PML: variants seen among roughly 807,000 people sequenced by gnomAD.
The protein encoded by PML is PML nuclear body scaffold, also known as protein PML.
In PML, 28 loss-of-function variants were observed where a neutral mutation model predicts 65.2. That is an observed-to-expected ratio of 0.43 (90% CI 0.32 to 0.59). The LOEUF (loss-of-function observed/expected upper bound fraction) is 0.59, where lower values mean the gene tolerates loss of function less well. PML is among the 20% of genes least tolerant of loss of function. PML has a pLI of 0.08. For synonymous variants in PML, 500 were observed against 508.8 expected (o/e 0.98, Z 0.23); for missense variants, 1,021 against 1,203.4 (o/e 0.85, Z 2.24).
intron 1 of PML, among the ~76,000 whole-genome samples, chr15:73,997,222 T>C (rs930870159): frequency 1.3e-5 from 2 of 152,216 alleles, no homozygotes; most frequent in African/African-American, 4.8e-5. Flanking sequence ...CTCTTCCTTT[T>C]GTTACTGAGG....
chr15:74,023,100 C>A lies in PML; in HGVS notation c.875C>A (p.Ala292Asp). 6.2e-7 allele frequency: 1 copy of A among 1,603,338 alleles called. No individual in the cohort carries two copies. Among genetic ancestry groups the A allele is most frequent in the Non-Finnish European group, 8.5e-7 (1 of 1,178,954 alleles). Residue 292 changes from alanine (A) to aspartate (D), a missense_variant, in exon 3 of 9, where the codon GCT becomes GAT. Transcript: ENST00000268058. The part of the protein sequence containing the change: ...RVRQVVAHVR[A>D]QERELLEAVD... ...CGCCAGGTGGTAGCTCACGTGCGGG[C>A]TCAGGAGCGCGAGCTGCTGGAGGCT...
chr15:74,016,990 G>A (rs1415242873), intron 2 of PML, among the ~76,000 whole-genome samples: 1 of 151,090 alleles, frequency 6.6e-6, no homozygotes, highest in Non-Finnish European at 1.5e-5. Flanking sequence ...GTAGAGATGG[G>A]GTTTCACCAT....
rs1335545102 is a variant in PML at position 74,045,090 on chromosome 15, T to C, written c.*82T>C. On this transcript the variant is annotated 3_prime_UTR_variant, in exon 9 of 9. Coordinates refer to ENST00000268058, the MANE Select transcript of PML (RefSeq NM_033238.3). ...AGCCAGGCCCCACCCATCACAGCAT[T>C]CCCAGGTCCTGGTACCCAGCCCTCA... The C allele has an allele frequency of 2.4e-6, 3 of 1,269,044 alleles. No individual in the cohort carries two copies. The highest frequency in any genetic ancestry group is 3.0e-5 in the African/African-American group (2 of 67,230). The allele number at this position is 1,269,044 out of a possible 1,614,324, so 78.6% of individuals were successfully genotyped here.
chr15:74,043,624 C>G lies in PML; in HGVS notation c.1861+485C>G, dbSNP rs558062265. The G allele has an allele frequency of 6.3e-6, 3 of 478,844 alleles. No homozygotes were observed. Among genetic ancestry groups the G allele is most frequent in the African/African-American group, 2.0e-5 (1 of 50,938 alleles). 29.7% of individuals were successfully genotyped at this position (478,844 alleles called of 1,614,324 possible). ...CCCCTCTACTTCCTCCAGTGCTTGCCCTGGCTCTGCAAATGCCCCTCCTTG... is the reference window on the plus strand; with the variant it reads ...CCCCTCTACTTCCTCCAGTGCTTGCGCTGGCTCTGCAAATGCCCCTCCTTG... On this transcript the variant is annotated intron_variant, in intron 8 of 8. Transcript: ENST00000268058. The surrounding 1 kb of genome is among the most constrained non-coding windows in gnomAD (Gnocchi z 4.3).
At chr15:74,031,759 G>A (rs1031460810) in intron 4 of PML, among the ~76,000 whole-genome samples, 1 of 152,170 alleles carries the variant, frequency 6.6e-6, no homozygotes, top group African/African-American at 2.4e-5. Context: ...TTTGAGATAG[G>A]TACATGAAGC....
chr15:74,043,450 C>G lies in PML; in HGVS notation c.1861+311C>G. ...CACACTCCTAGACAGAAACACAATG[C>G]GTGAGCTCATTGCCGTGAGCCCTGT... On this transcript the variant is annotated intron_variant, in intron 8 of 8. Transcript: ENST00000268058. The surrounding 1 kb of genome is among the most constrained non-coding windows in gnomAD (Gnocchi z 4.3). The G allele has an allele frequency of 1.6e-6, 2 of 1,287,436 alleles. No homozygotes were observed. The highest frequency in any genetic ancestry group is 2.0e-6 in the Non-Finnish European group (2 of 982,568). The allele number at this position is 1,287,436 out of a possible 1,614,324, so 79.8% of individuals were successfully genotyped here.
chr15:74,042,617 T>C lies in PML; in HGVS notation c.1711-372T>C. The C allele has an allele frequency of 1.0e-6, 1 of 985,326 alleles. No individual in the cohort carries two copies. The highest frequency in any genetic ancestry group is 1.1e-4 in the East Asian group (1 of 8,800). The allele number at this position is 985,326 out of a possible 1,614,324, so 61.0% of individuals were successfully genotyped here. A position where few individuals can be genotyped will look rare whatever the true frequency, so the allele number is the denominator to read the frequency against. ...CACTCATGCACACACCCACTGGCAT[T>C]TTCTCTCACACTTTCATACACTTGT... On this transcript the variant is annotated intron_variant, in intron 7 of 8. Coordinates refer to ENST00000268058, the MANE Select transcript of PML (RefSeq NM_033238.3). This position sits in a 1 kb window ranked among gnomAD's most constrained non-coding sequence, Gnocchi z 5.3.
chr15:74,041,321 A>C (rs1201773899), intron 7 of PML: 1 of 152,230 alleles, frequency 6.6e-6, no homozygotes, highest in East Asian at 1.9e-4. Context: ...GATTCTCCCA[A>C]AGCGGGAGAA....
chr15:74,019,203 A>T (rs866890083), intron 2 of PML, among the ~76,000 whole-genome samples: 1 of 152,170 alleles, frequency 6.6e-6, no homozygotes, highest in African/African-American at 2.4e-5. Context: ...AGCTTAGAAA[A>T]AGGACCCAGC....
chr15:74,044,034 C>T lies in PML; in HGVS notation c.1862-187C>T, dbSNP rs749410569. On this transcript the variant is annotated intron_variant, in intron 8 of 8. Transcript: ENST00000268058. ...GTGTTTGGAGGGCAGCCGAGCCTCC[C>T]CTTCTGACTGCTATCCCACCACAAC... Among the ~76,000 whole-genome samples, 6 of 152,212 alleles carry T rather than the reference C, an allele frequency of 3.9e-5. No homozygotes were observed. The South Asian group carries it at 1.0e-3, about 26-fold the overall frequency.
rs2071758990 is a variant in PML at position 74,045,131 on chromosome 15, A to G, written c.*123A>G. The G allele has an allele frequency of 1.1e-6, 1 of 897,258 alleles. No individual in the cohort carries two copies. 55.6% of individuals were successfully genotyped at this position (897,258 alleles called of 1,614,324 possible). A position where few individuals can be genotyped will look rare whatever the true frequency, so the allele number is the denominator to read the frequency against. On this transcript the variant is annotated 3_prime_UTR_variant, in exon 9 of 9. Transcript: ENST00000268058. ...CCAGCCCTCAGTTGTCATTTGGTTC[A>G]GAATCAGTTCCCTTTCTCTGGGACC...
chr15:74,004,639 C>T (rs892771556), intron 2 of PML, among the ~76,000 whole-genome samples: 1 of 152,020 alleles, frequency 6.6e-6, no homozygotes, highest in African/African-American at 2.4e-5. Flanking sequence ...TTTCAATAAT[C>T]TTCTATCGCC....
chr15:74,043,155 G>T lies in PML; in HGVS notation c.1861+16G>T, dbSNP rs749576967. 4 of 1,613,654 alleles carry T rather than the reference G, an allele frequency of 2.5e-6. No individual in the cohort carries two copies. Among genetic ancestry groups the T allele is most frequent in the Non-Finnish European group, 3.4e-6 (4 of 1,179,986 alleles). On this transcript the variant is annotated intron_variant, in intron 8 of 8. Coordinates refer to ENST00000268058, the MANE Select transcript of PML (RefSeq NM_033238.3). This position sits in a 1 kb window ranked among gnomAD's most constrained non-coding sequence, Gnocchi z 4.3. ...GACAATGAAAGTGGGTTCTCCTGGG[G>T]CTACCCCCACCCCTTTCTAATTTAG...
rs181321458 is a variant in PML, at chr15:73,994,716, A to C, written c.-97A>C. On this transcript the variant is annotated 5_prime_UTR_variant, in exon 1 of 9. Transcript: ENST00000268058. Reference sequence around the variant, plus strand: ...TGAGCCGGCACCTCCCCTTTCGGACAGCTCAAGGGACTCAGCCAACTGGCT... The same window carrying C: ...TGAGCCGGCACCTCCCCTTTCGGACCGCTCAAGGGACTCAGCCAACTGGCT... 2.1e-4 allele frequency: 277 copies of C among 1,328,822 alleles called. No homozygotes were observed. The African/African-American group carries it at 3.6e-3, about 17-fold the overall frequency. 82.3% of individuals were successfully genotyped at this position (1,328,822 alleles called of 1,614,324 possible).
chr15:74,013,889 G>A (rs947430069), intron 2 of PML, among the ~76,000 whole-genome samples: 3 of 152,066 alleles, frequency 2.0e-5, no homozygotes, highest in African/African-American at 4.8e-5. Context: ...TTGAATATTG[G>A]TTAATGTTCA....
rs1295692467 is a variant in PML, at chr15:74,037,936, C to T, written c.1710+3406C>T. 6.6e-6 allele frequency among the ~76,000 whole-genome samples: 1 copy of T among 152,190 alleles called. No individual in the cohort carries two copies. The highest frequency in any genetic ancestry group is 6.5e-5 in the Admixed American group (1 of 15,286). On this transcript the variant is annotated intron_variant, in intron 7 of 8. Coordinates refer to ENST00000268058, the MANE Select transcript of PML (RefSeq NM_033238.3). This position sits in a 1 kb window ranked among gnomAD's most constrained non-coding sequence, Gnocchi z 4.2. Reference sequence around the variant, plus strand: ...AGCATGGCCAGTGACCTTCCAACAGCTCCGCATGGATGCCCATAGGTACCT... The same window carrying T: ...AGCATGGCCAGTGACCTTCCAACAGTTCCGCATGGATGCCCATAGGTACCT...
At chr15:74,021,708 C>G (rs939898137) in intron 2 of PML, among the ~76,000 whole-genome samples, 4 of 150,980 alleles carry the variant, frequency 2.6e-5, no homozygotes, top group African/African-American at 9.8e-5. Context: ...TTGGATATTA[C>G]TAAAGTGTTG....
intron 7 of PML, chr15:74,036,527 C>A: frequency 2.0e-6 from 2 of 1,000,354 alleles, no homozygotes; most frequent in Non-Finnish European, 2.5e-6. Flanking sequence ...TCCTCCCACA[C>A]TCATGGGCAT....
Position 73,994,784 on chromosome 15 carries a change from A to C in PML, c.-29A>C. The C allele has an allele frequency of 6.4e-7, 1 of 1,550,668 alleles. No individual in the cohort carries two copies. Among genetic ancestry groups the C allele is most frequent in the Non-Finnish European group, 8.7e-7 (1 of 1,146,874 alleles). On this transcript the variant is annotated 5_prime_UTR_variant, in exon 1 of 9. Coordinates refer to ENST00000268058, the MANE Select transcript of PML (RefSeq NM_033238.3). The stretch of plus-strand genomic sequence containing the variant: ...TTCTCTTCACGCACTCCAAGATCTA[A>C]ACCGAGAATCGAAACTAAGCTGGGG...
Sources: gnomAD v4.1 joint callset for allele counts (sites outside exome capture counted in the v4.1 genomes callset) on GRCh38, gnomAD v4.1.1 for gene constraint, Gnocchi (gnomAD v3.1) non-coding constraint, MANE v1.5 for transcripts, NCBI Gene and HGNC (gene_info 2026-07-23, HGNC 2026-07-21) for gene names.